The following DPH6 variants were observed in gnomAD, a reference collection of about 807,000 sequenced individuals.
DPH6 encodes diphthamine biosynthesis 6.
In DPH6, 33 loss-of-function variants were observed where a neutral mutation model predicts 38.2. That is an observed-to-expected ratio of 0.86 (90% confidence interval 0.65 to 1.15). DPH6 has a LOEUF of 1.15. DPH6 is among the 50% of genes most tolerant of loss of function. The pLI is 0.00. For missense variants in DPH6, 325 were observed against 320.0 expected, an observed-to-expected ratio of 1.02 and a Z score of -0.12; for synonymous variants, 108 against 103.0, an observed-to-expected ratio of 1.05 and a Z score of -0.30.
At chr15:35,337,361 C>A (rs947461626) in intron 3 of DPH6, among the ~76,000 whole-genome samples, 1 of 151,402 alleles carries the variant, frequency 6.6e-6, no homozygotes, top group African/African-American at 2.4e-5. Flanking sequence ...GTCTTGCTAG[C>A]GGTCTATCAT....
intron 3 of DPH6, among the ~76,000 whole-genome samples, chr15:35,459,429 CA>C (rs1412192649): frequency 6.6e-6 from 1 of 152,162 alleles, no homozygotes; most frequent in Non-Finnish European, 1.5e-5. Context: ...AAATACCATC[CA>C]AATACATCTC....
chr15:35,399,830 C>T (rs1268039433), intron 6 of DPH6, among the ~76,000 whole-genome samples: 1 of 152,178 alleles, frequency 6.6e-6, no homozygotes, highest in Non-Finnish European at 1.5e-5. Flanking sequence ...AAGACATTTT[C>T]AGGTATGCAG....
intron 3 of DPH6, among the ~76,000 whole-genome samples, chr15:35,269,186 T>A (rs1313128774): frequency 6.6e-6 from 1 of 152,326 alleles, no homozygotes. Context: ...TCAAAGTTAT[T>A]CCTTCCTAAG....
intron 6 of DPH6, among the ~76,000 whole-genome samples, chr15:35,399,080 C>A (rs1487709039): frequency 6.6e-6 from 1 of 152,132 alleles, no homozygotes; most frequent in East Asian, 1.9e-4. Context: ...AGCATAATAA[C>A]ACAGATTACA....
chr15:35,198,983 A>AATCT, the DPH6 span, among the ~76,000 whole-genome samples: 435 of 151,966 alleles, frequency 2.9e-3, 1 homozygote, highest in African/African-American at 0.01. Flanking sequence ...GCAATGGCGC[A>AATCT]ATCTCAGCTC....
the DPH6 span, among the ~76,000 whole-genome samples, chr15:35,179,706 C>T: frequency 2.1e-4 from 32 of 152,164 alleles, no homozygotes; most frequent in African/African-American, 6.0e-4. Context: ...CTTGTAAAGA[C>T]AGGGGATGCT....
At position 35,374,073 on chromosome 15, in the gene DPH6, T is replaced by C. The variant is rs72703149; in HGVS notation, c.663-465A>G. On this transcript the variant is annotated intron_variant, in intron 7 of 8. Transcript: ENST00000256538. ...TGATGATTTTAAGCTCTAGATGAAC[T>C]CTTCACACTGCAGTATCATTGCTAT... 5.7e-3 allele frequency among the ~76,000 whole-genome samples: 862 copies of C among 152,156 alleles called. 5 individuals carry two copies. The highest frequency in any genetic ancestry group is 0.014 in the African/African-American group (575 of 41,560).
At chr15:35,179,030 A>C in the DPH6 span, among the ~76,000 whole-genome samples, 1 of 151,842 alleles carries the variant, frequency 6.6e-6, no homozygotes, top group Non-Finnish European at 1.5e-5. Context: ...AACATGGAGA[A>C]ATCCCATCTC....
At chr15:35,279,068 A>AATATATATATATAT (rs1555390827) in intron 3 of DPH6, among the ~76,000 whole-genome samples, 2 of 102,992 alleles carry the variant, frequency 1.9e-5, no homozygotes, top group African/African-American at 9.7e-5. Flanking sequence ...AAAAAAAAAA[A>AATATATATATATAT]ATATATATAT....
intron 3 of DPH6, among the ~76,000 whole-genome samples, chr15:35,487,012 C>G (rs2054411450): frequency 6.6e-6 from 1 of 152,170 alleles, no homozygotes; most frequent in African/African-American, 2.4e-5. Flanking sequence ...AATCTTGAAA[C>G]TCCAAAATCT....
intron 3 of DPH6, among the ~76,000 whole-genome samples, chr15:35,264,245 C>A (rs929628690): frequency 2.6e-5 from 4 of 152,060 alleles, no homozygotes; most frequent in Non-Finnish European, 5.9e-5. Flanking sequence ...TATTTGTTTT[C>A]TTTAGTACTA....
At chr15:35,356,332 G>A (rs190941011) in intron 3 of DPH6, among the ~76,000 whole-genome samples, 6 of 152,310 alleles carry the variant, frequency 3.9e-5, no homozygotes, top group Admixed American at 2.6e-4. Context: ...GTGAGGAGCT[G>A]CATTCCTTTG....
At chr15:35,491,040 C>T (rs1253831225) in intron 3 of DPH6, among the ~76,000 whole-genome samples, 2 of 152,128 alleles carry the variant, frequency 1.3e-5, no homozygotes, top group East Asian at 3.9e-4. Context: ...TTAATCCATT[C>T]TTGAGGGCAG....
intron 5 of DPH6, among the ~76,000 whole-genome samples, chr15:35,424,862 A>T (rs2053549029): frequency 6.6e-6 from 1 of 151,666 alleles, no homozygotes; most frequent in Non-Finnish European, 1.5e-5. Context: ...AGATGGAATC[A>T]AATTAATAGA....
intron 5 of DPH6, among the ~76,000 whole-genome samples, chr15:35,419,600 T>TA (rs890086458): frequency 4.0e-5 from 6 of 151,798 alleles, no homozygotes; most frequent in Non-Finnish European, 7.4e-5. Flanking sequence ...ATAATAATAA[T>TA]AAAAAAGATA....
intron 3 of DPH6, among the ~76,000 whole-genome samples, chr15:35,488,505 G>C (rs1182852461): frequency 6.6e-6 from 1 of 152,148 alleles, no homozygotes; most frequent in East Asian, 1.9e-4. Context: ...GAGAGCGAGT[G>C]AGCAAGAAGT....
intron 5 of DPH6, among the ~76,000 whole-genome samples, chr15:35,431,426 G>A (rs201887031): frequency 3.9e-5 from 6 of 152,178 alleles, no homozygotes; most frequent in East Asian, 3.9e-4. Flanking sequence ...AGGTTAACGA[G>A]TGATTAAATC....
intron 3 of DPH6, among the ~76,000 whole-genome samples, chr15:35,338,656 A>G (rs1360270455): frequency 1.3e-5 from 2 of 152,166 alleles, no homozygotes; most frequent in East Asian, 1.9e-4. Flanking sequence ...TAGAAATACC[A>G]TTTGACCCAG....
chr15:35,310,974 G>A (rs577945651), intron 3 of DPH6, among the ~76,000 whole-genome samples: 3 of 151,696 alleles, frequency 2.0e-5, no homozygotes, highest in East Asian at 1.9e-4. Flanking sequence ...CAGGAGAATC[G>A]CTTGAACCCG....
Sources: gnomAD v4.1 joint callset for allele counts (sites outside exome capture counted in the v4.1 genomes callset) on GRCh38, gnomAD v4.1.1 for gene constraint, MANE v1.5 for transcripts, NCBI Gene and HGNC (gene_info 2026-07-23, HGNC 2026-07-21) for gene names.